The following HERC5 variants were observed in gnomAD, a reference collection of about 807,000 sequenced individuals.
The protein encoded by HERC5 is E3 ISG15--protein ligase HERC5.
HERC5 carries 99 observed loss-of-function variants against 119.6 expected under a neutral mutation model. That is an observed-to-expected ratio of 0.83 (90% CI 0.70 to 0.98). HERC5 has a LOEUF of 0.98. HERC5 is among the 50% of genes least tolerant of loss of function. The pLI is 0.00. For synonymous variants in HERC5, 478 were observed against 445.9 expected, an observed-to-expected ratio of 1.07 and a Z score of -0.91; for missense variants, 1,267 against 1,241.3, an observed-to-expected ratio of 1.02 and a Z score of -0.31.
intron 9 of HERC5, 72 bp downstream of exon 9, chr4:88,469,332 G>A (rs1740785709): frequency 8.1e-6 from 8 of 990,028 alleles, no homozygotes; most frequent in Non-Finnish European, 1.3e-5. Context: ...GTTCTGCACA[G>A]CAATATGAGA....
chr4:88,498,998 A>G (rs918528735), intron 18 of HERC5, among the ~76,000 whole-genome samples: 1 of 152,224 alleles, frequency 6.6e-6, no homozygotes, highest in African/African-American at 2.4e-5. Flanking sequence ...GTTACTTCAC[A>G]ATACAGTAAT....
chr4:88,487,273 C>T lies in HERC5; in HGVS notation c.1962+94C>T, dbSNP rs1192697579. On this transcript the variant is annotated intron_variant, in intron 15 of 22. Transcript: ENST00000264350. ...TTGGGGGTGATAAGAGAACCACCTA[C>T]CAGTGAAACCAATGGTTGTGGCATT... 4 of 636,118 alleles carry T rather than the reference C, an allele frequency of 6.3e-6. No homozygotes were observed. The East Asian group carries it at 1.1e-4, about 18-fold the overall frequency. The allele number at this position is 636,118 out of a possible 1,614,324, so 39.4% of individuals were successfully genotyped here.
intron 20 of HERC5, among the ~76,000 whole-genome samples, chr4:88,502,396 C>G (rs1319771528): frequency 6.6e-6 from 1 of 152,104 alleles, no homozygotes; most frequent in Non-Finnish European, 1.5e-5. Context: ...GGCATCCAAG[C>G]TGATCTGTTT....
At position 88,493,253 on chromosome 4, in the gene HERC5, A is replaced by T. The variant is rs992861040; in HGVS notation, c.2277+98A>T. On this transcript the variant is annotated intron_variant, in intron 17 of 22. Coordinates refer to ENST00000264350, the MANE Select transcript of HERC5 (RefSeq NM_016323.4). ...TGTCTAGACTATTTCATGTTAGAAG[A>T]GGAGTATTGATATAATTATGGAGAT... The T allele has an allele frequency of 3.0e-6, 3 of 1,002,532 alleles. No individual in the cohort carries two copies. The African/African-American group carries it at 4.9e-5, about 16-fold the overall frequency. The allele number at this position is 1,002,532 out of a possible 1,614,324, so 62.1% of individuals were successfully genotyped here.
In HERC5 at chr4:88,506,036, A is replaced by C. The variant is rs1178729928; in HGVS notation, c.*158A>C. The C allele has an allele frequency of 6.3e-6, 4 of 636,614 alleles. No individual in the cohort carries two copies. Among genetic ancestry groups the C allele is most frequent in the Non-Finnish European group, 1.1e-5 (4 of 364,858 alleles). The allele number at this position is 636,614 out of a possible 1,614,324, so 39.4% of individuals were successfully genotyped here. Reference sequence around the variant, plus strand: ...AGTGATAAGCAGGAAAGAGGGATGAAGAAGAGGGTTTACTGGCCGGTTAGA... The same window carrying C: ...AGTGATAAGCAGGAAAGAGGGATGACGAAGAGGGTTTACTGGCCGGTTAGA... On this transcript the variant is annotated 3_prime_UTR_variant, in exon 23 of 23. Transcript: ENST00000264350.
Position 88,505,783 on chromosome 4 carries a change from T to C in HERC5, c.2980T>C (p.Cys994Arg). The change falls in exon 23 of 23, where the codon TGT becomes CGT. Residue 994 changes from cysteine (C) to arginine (R), a missense_variant. Physicochemically the swap from Cys to Arg is radical, Grantham distance 180. Coordinates refer to ENST00000264350, the MANE Select transcript of HERC5 (RefSeq NM_016323.4). ...NERDPIRALT[C>R]FSVLFLPKYS... The stretch of plus-strand genomic sequence containing the variant: ...AAGAGACCCTATAAGAGCACTGACA[T>C]GTTTCAGTGTCCTCTTCCTCCCTAA... The C allele has an allele frequency of 1.2e-6, 2 of 1,609,860 alleles. No individual in the cohort carries two copies. Among genetic ancestry groups the C allele is most frequent in the Non-Finnish European group, 1.7e-6 (2 of 1,176,052 alleles).
chr4:88,476,756 A>C (rs1180244391), intron 12 of HERC5, among the ~76,000 whole-genome samples: 2 of 152,012 alleles, frequency 1.3e-5, no homozygotes, highest in Middle Eastern at 6.8e-3. Flanking sequence ...CCCTGACTCT[A>C]CTAAAAATAC....
chr4:88,486,955 G>A (rs777658162), intron 14 of HERC5, 114 bp from the exon 15 acceptor site: 22 of 610,616 alleles, frequency 3.6e-5, no homozygotes, highest in Non-Finnish European at 6.3e-5. Context: ...AATTTGGATT[G>A]CTTTTGTTGG....
At chr4:88,476,360 A>G (rs1741067485) in intron 12 of HERC5, among the ~76,000 whole-genome samples, 1 of 152,228 alleles carries the variant, frequency 6.6e-6, no homozygotes, top group East Asian at 1.9e-4. Context: ...GTGCAGTGGT[A>G]CAGTCATAGC....
Position 88,460,166 on chromosome 4 carries a change from CA to C in HERC5, c.465del (p.Gly156ValfsTer68). 6.5e-7 allele frequency: 1 copy of C among 1,541,282 alleles called. No homozygotes were observed. The highest frequency in any genetic ancestry group is 8.9e-7 in the Non-Finnish European group (1 of 1,118,394). ...TCGDYHSLAL[S>X]KGGELFAWGQ... ...GGAGATTACCATTCTCTTGCACTCT[CA>C]AAAGGTAATTTTTCTGTAATATTAA... is the stretch of plus-strand genomic sequence containing the variant. On this transcript the variant is annotated frameshift_variant, in exon 3 of 23. Coordinates refer to ENST00000264350, the MANE Select transcript of HERC5 (RefSeq NM_016323.4). LOFTEE classifies it high-confidence loss of function.
At chr4:88,490,246 T>G (rs1741592298) in intron 16 of HERC5, among the ~76,000 whole-genome samples, 1 of 152,220 alleles carries the variant, frequency 6.6e-6, no homozygotes, top group Non-Finnish European at 1.5e-5. Context: ...AAGTGCCTTA[T>G]ACCTAATTTT....
At chr4:88,473,301 C>G (rs1320547190) in intron 11 of HERC5, 1 of 151,044 alleles carries the variant, frequency 6.6e-6, no homozygotes, top group Non-Finnish European at 1.5e-5. Context: ...TCTCTCCTTC[C>G]CTCCTCCCCT....
rs1474871577 is a variant in HERC5 at position 88,501,005 on chromosome 4, T to C, written c.2582+20T>C. The C allele has an allele frequency of 6.4e-7, 1 of 1,562,698 alleles. No homozygotes were observed. Among genetic ancestry groups the C allele is most frequent in the Non-Finnish European group, 8.8e-7 (1 of 1,138,892 alleles). On this transcript the variant is annotated intron_variant, in intron 20 of 22. Coordinates refer to ENST00000264350, the MANE Select transcript of HERC5 (RefSeq NM_016323.4). Reference sequence around the variant, plus strand: ...TAACAAGTAGGTACAAAAAATGAAATAGTTGGTTTGTATATGTACTATTTT... The same window carrying C: ...TAACAAGTAGGTACAAAAAATGAAACAGTTGGTTTGTATATGTACTATTTT...
At chr4:88,464,991 C>G (rs1043469773) in intron 6 of HERC5, among the ~76,000 whole-genome samples, 1 of 152,054 alleles carries the variant, frequency 6.6e-6, no homozygotes, top group African/African-American at 2.4e-5. Flanking sequence ...AGGATGGTCT[C>G]GATGTCCTGA....
Position 88,457,469 on chromosome 4 carries a change from A to G in HERC5, c.200A>G (p.Glu67Gly). ...CCSPGRLAVL[E>G]RGGAGVQVHQ... ...TCGCCGGGGCGCCTCGCGGTCTTGGAACGCGGCGGGGCGGGCGTCCAGGTT... is the reference window on the plus strand; with the variant it reads ...TCGCCGGGGCGCCTCGCGGTCTTGGGACGCGGCGGGGCGGGCGTCCAGGTT... The change falls in exon 1 of 23, where the codon GAA becomes GGA. Residue 67 changes from glutamate to glycine, a missense_variant. Coordinates refer to ENST00000264350, the MANE Select transcript of HERC5 (RefSeq NM_016323.4). 1 of 1,331,706 alleles carries G rather than the reference A, an allele frequency of 7.5e-7. No homozygotes were observed. 82.5% of individuals were successfully genotyped at this position (1,331,706 alleles called of 1,614,324 possible). A position where few individuals can be genotyped will look rare whatever the true frequency, so the allele number is the denominator to read the frequency against.
chr4:88,470,041 A>C (rs185322477), intron 9 of HERC5, among the ~76,000 whole-genome samples: 1 of 152,218 alleles, frequency 6.6e-6, no homozygotes, highest in African/African-American at 2.4e-5. Flanking sequence ...TAGAACTCCT[A>C]TAGGTTTACA....
In HERC5 at chr4:88,491,448, T is replaced by C. The variant is rs570977720; in HGVS notation, c.2134-1564T>C. ...AAGGACAGAAGTGTTAGGATAGAAC[T>C]GTCTGCAATTCTGTTTCTAGAAATT... On this transcript the variant is annotated intron_variant, in intron 16 of 22. Transcript: ENST00000264350. Among the ~76,000 whole-genome samples, 15 of 152,298 alleles carry C rather than the reference T, an allele frequency of 9.8e-5. No individual in the cohort carries two copies. In the East Asian group the frequency reaches 2.1e-3, roughly 22 times the overall value.
In HERC5 at chr4:88,481,250, G is replaced by A. The variant is rs371380843; in HGVS notation, c.1737+1743G>A. On this transcript the variant is annotated intron_variant, in intron 13 of 22. Coordinates refer to ENST00000264350, the MANE Select transcript of HERC5 (RefSeq NM_016323.4). The stretch of plus-strand genomic sequence containing the variant: ...ATATTTTTTGTAGAGATGGGGTTTC[G>A]CCATGTAGCCCAGGCTGGTCTCGAA... Among the ~76,000 whole-genome samples, 25 of 152,108 alleles carry A rather than the reference G, an allele frequency of 1.6e-4. No homozygotes were observed. In the East Asian group the frequency reaches 3.3e-3, roughly 20 times the overall value.
At chr4:88,463,389 C>T (rs1740519509) in intron 4 of HERC5, 143 bp from the exon 5 acceptor site, 1 of 591,460 alleles carries the variant, frequency 1.7e-6, no homozygotes, top group Non-Finnish European at 3.0e-6. Context: ...GAACTTGATC[C>T]TAAACATGGC....
Sources: gnomAD v4.1 joint callset for allele counts (sites outside exome capture counted in the v4.1 genomes callset) on GRCh38, gnomAD v4.1.1 for gene constraint, MANE v1.5 for transcripts, NCBI Gene and HGNC (gene_info 2026-07-23, HGNC 2026-07-21) for gene names.